The following LRRC63 variants were observed in gnomAD, a reference collection of about 807,000 sequenced individuals.
The protein encoded by LRRC63 is leucine rich repeat containing 63, also known as leucine-rich repeat-containing protein 63.
LRRC63 carries 40 observed loss-of-function variants against 49.5 expected under a neutral mutation model. The observed-to-expected ratio is 0.81, with a 90% CI of 0.63 to 1.05. LRRC63 has a LOEUF of 1.05. Among genes scored for constraint, LRRC63 ranks in the 50% least tolerant of loss-of-function variants. The pLI, the probability that LRRC63 is intolerant of heterozygous loss-of-function variation, is 0.00. For missense variants in LRRC63, 636 were observed against 663.1 expected (o/e 0.96, Z 0.45); for synonymous variants, 191 against 221.1 (o/e 0.86, Z 1.21).
chr13:46,273,332 G>A (rs973234538), intron 9 of LRRC63, among the ~76,000 whole-genome samples: 4 of 152,112 alleles, frequency 2.6e-5, no homozygotes, highest in Non-Finnish European at 4.4e-5. Context: ...GACCGGGCGC[G>A]GTGGCTCACT....
intron 2 of LRRC63, among the ~76,000 whole-genome samples, chr13:46,224,916 C>G (rs986990299): frequency 6.6e-6 from 1 of 152,202 alleles, no homozygotes; most frequent in Non-Finnish European, 1.5e-5. Context: ...GTGCTGGGGA[C>G]AGGCCCCAAG....
chr13:46,221,407 G>A (rs1184762289), intron 2 of LRRC63, among the ~76,000 whole-genome samples: 4 of 152,070 alleles, frequency 2.6e-5, no homozygotes, highest in Non-Finnish European at 5.9e-5. Flanking sequence ...AAAAAGGTGA[G>A]GTAAAGTAGA....
chr13:46,269,862 TGTA>T (rs1010861142), intron 9 of LRRC63, among the ~76,000 whole-genome samples: 17 of 147,734 alleles, frequency 1.2e-4, no homozygotes, highest in Admixed American at 2.0e-4. Flanking sequence ...ACTATATAGA[TGTA>T]GTAGATATAT....
intron 8 of LRRC63, among the ~76,000 whole-genome samples, chr13:46,265,896 T>C (rs2047678165): frequency 6.6e-6 from 1 of 152,214 alleles, no homozygotes; most frequent in Admixed American, 6.5e-5. Context: ...CTAGCCTCAT[T>C]GTTTTCAATA....
chr13:46,237,045 T>G (rs1051779653), intron 5 of LRRC63, among the ~76,000 whole-genome samples: 2 of 152,126 alleles, frequency 1.3e-5, no homozygotes, highest in East Asian at 1.9e-4. Context: ...AAAACAATAT[T>G]AAAACATACA....
chr13:46,232,643 AAGAT>A (rs1225388542), intron 4 of LRRC63, among the ~76,000 whole-genome samples: 1 of 152,192 alleles, frequency 6.6e-6, no homozygotes, highest in African/African-American at 2.4e-5. Flanking sequence ...CGTTGAGAGA[AAGAT>A]AGAGAGAGAA....
rs145948871 is a variant in LRRC63, at chr13:46,245,345, C to T, written c.991-1182C>T. Among the ~76,000 whole-genome samples, 20 of 152,182 alleles carry T rather than the reference C, an allele frequency of 1.3e-4. No individual in the cohort carries two copies. In the East Asian group the frequency reaches 3.5e-3, roughly 26 times the overall value. The stretch of plus-strand genomic sequence containing the variant: ...TATAGAAGATCTGAAATAACTCCAG[C>T]GACTAACTTGACCTAATTAACATTT... On this transcript the variant is annotated intron_variant, in intron 5 of 9. Coordinates refer to ENST00000595396, the Ensembl canonical transcript of LRRC63.
intron 3 of LRRC63, 106 bp downstream of exon 3, chr13:46,228,295 G>A: frequency 1.2e-6 from 1 of 824,944 alleles, no homozygotes; most frequent in Non-Finnish European, 1.9e-6. Flanking sequence ...TGCAGAATGG[G>A]AGGATGGAAT....
chr13:46,227,994 C>T lies in LRRC63; in HGVS notation c.568C>T (p.Gln190Ter). 6.4e-7 allele frequency: 1 copy of T among 1,551,092 alleles called. No homozygotes were observed. The highest frequency in any genetic ancestry group is 1.2e-5 in the South Asian group (1 of 84,054). ...ACCAGAGAGTCCAGGCTATACTTAT[C>T]AGCACATCTCGAGAGACTTAAGTGC... Residue 190 changes from glutamine (Q) to a stop codon, truncating the protein, a stop_gained, in exon 3 of 10, where the codon CAG becomes TAG. Transcript: ENST00000595396. LOFTEE classifies it high-confidence loss of function.
At chr13:46,218,348 T>G (rs1289732248) in intron 2 of LRRC63, among the ~76,000 whole-genome samples, 1 of 152,234 alleles carries the variant, frequency 6.6e-6, no homozygotes, top group African/African-American at 2.4e-5. Context: ...ACCCATTATG[T>G]AATGCCCTCC....
chr13:46,265,852 G>T (rs542434273), intron 8 of LRRC63, among the ~76,000 whole-genome samples: 1 of 152,310 alleles, frequency 6.6e-6, no homozygotes, highest in African/African-American at 2.4e-5. Context: ...TCAAACTCTG[G>T]TTGAGGGATA....
intron 5 of LRRC63, among the ~76,000 whole-genome samples, chr13:46,237,429 A>G (rs76589954): frequency 2.6e-5 from 4 of 152,332 alleles, no homozygotes; most frequent in Non-Finnish European, 5.9e-5. Context: ...ATATACCAAC[A>G]TGGTGTACAA....
chr13:46,240,293 A>T (rs2047023869), intron 5 of LRRC63, among the ~76,000 whole-genome samples: 1 of 151,292 alleles, frequency 6.6e-6, no homozygotes, highest in Non-Finnish European at 1.5e-5. Context: ...CGCTTGGCTA[A>T]TTTTTTTGTA....
At position 46,229,399 on chromosome 13, in the gene LRRC63, C is replaced by A. The variant is rs975125077; in HGVS notation, c.832+666C>A. 2.6e-5 allele frequency among the ~76,000 whole-genome samples: 4 copies of A among 152,262 alleles called. No individual in the cohort carries two copies. The South Asian group carries it at 8.3e-4, about 32-fold the overall frequency. The stretch of plus-strand genomic sequence containing the variant: ...CAATGTGGGCGTGACTTGAGTAGAA[C>A]TGGACAGTAACCAATGTGGACATTA... On this transcript the variant is annotated intron_variant, in intron 4 of 9. Coordinates refer to ENST00000595396, the Ensembl canonical transcript of LRRC63.
chr13:46,231,101 C>T (rs1490741736), intron 4 of LRRC63, among the ~76,000 whole-genome samples: 1 of 152,186 alleles, frequency 6.6e-6, no homozygotes, highest in Non-Finnish European at 1.5e-5. Flanking sequence ...ACATTTTGGT[C>T]ATGCTGTTTA....
chr13:46,243,968 C>A (rs181295548), intron 5 of LRRC63, among the ~76,000 whole-genome samples: 3 of 151,952 alleles, frequency 2.0e-5, no homozygotes, highest in African/African-American at 7.3e-5. Context: ...AAGCTTATCT[C>A]TACTACAAGA....
At chr13:46,224,207 C>T (rs1195525732) in intron 2 of LRRC63, among the ~76,000 whole-genome samples, 1 of 152,200 alleles carries the variant, frequency 6.6e-6, no homozygotes, top group African/African-American at 2.4e-5. Flanking sequence ...TATTTGATCA[C>T]ATTATGTTGT....
At chr13:46,260,812 G>A (rs1448030471) in intron 7 of LRRC63, among the ~76,000 whole-genome samples, 1 of 152,204 alleles carries the variant, frequency 6.6e-6, no homozygotes, top group African/African-American at 2.4e-5. Flanking sequence ...GGGGGATTGT[G>A]AGAGGCAAGC....
At chr13:46,257,101 C>T (rs2047524367) in intron 7 of LRRC63, among the ~76,000 whole-genome samples, 1 of 152,138 alleles carries the variant, frequency 6.6e-6, no homozygotes, top group Non-Finnish European at 1.5e-5. Context: ...AGAGATACCA[C>T]CTGAGGACTT....
Sources: gnomAD v4.1 joint callset for allele counts (sites outside exome capture counted in the v4.1 genomes callset) on GRCh38, gnomAD v4.1.1 for gene constraint, MANE v1.5 for transcripts, NCBI Gene and HGNC (gene_info 2026-07-23, HGNC 2026-07-21) for gene names.